SCNN1B: variants seen among roughly 807,000 people sequenced by gnomAD.
SCNN1B encodes the protein epithelial sodium channel subunit beta.
A neutral mutation model predicts 65.3 loss-of-function variants in SCNN1B; 46 were observed. The observed-to-expected ratio is 0.70, with a 90% CI of 0.56 to 0.90. The LOEUF (loss-of-function observed/expected upper bound fraction) is 0.90. Among genes scored for constraint, SCNN1B ranks in the 40% least tolerant of loss-of-function variants. The pLI is 0.00. For missense variants in SCNN1B, 751 were observed against 830.5 expected, an observed-to-expected ratio of 0.90 and a Z score of 1.18; for synonymous variants, 349 against 330.6, an observed-to-expected ratio of 1.06 and a Z score of -0.60.
At position 23,371,833 on chromosome 16, in the gene SCNN1B, G is replaced by A; in HGVS notation, c.1102G>A (p.Val368Ile). Residue 368 changes from valine (V) to isoleucine (I), a missense_variant, in exon 7 of 13, where the codon GTC becomes ATC. Val to Ile is a conservative substitution (Grantham distance 29). Coordinates refer to ENST00000343070, the MANE Select transcript of SCNN1B (RefSeq NM_000336.3). The stretch of plus-strand genomic sequence containing the variant: ...CCCGTGCACCGTGAATGGTTCTGAG[G>A]TCCCCGTCCAAAACTTCTACAGTGA... ...YSPCTVNGSE[V>I]PVQNFYSDYN... 5 of 1,614,252 alleles carry A rather than the reference G, an allele frequency of 3.1e-6. No individual in the cohort carries two copies. The highest frequency in any genetic ancestry group is 4.2e-6 in the Non-Finnish European group (5 of 1,180,034).
chr16:23,329,127 T>C (rs1961756990), intron 1 of SCNN1B, among the ~76,000 whole-genome samples: 1 of 149,582 alleles, frequency 6.7e-6, no homozygotes, highest in African/African-American at 2.5e-5. Flanking sequence ...ATTATTATTA[T>C]TAGAGACAGG....
intron 4 of SCNN1B, among the ~76,000 whole-genome samples, chr16:23,356,202 G>A (rs1027956152): frequency 6.6e-6 from 1 of 152,204 alleles, no homozygotes; most frequent in Non-Finnish European, 1.5e-5. Context: ...AGCCCGATGA[G>A]GGGATCAGGG....
rs555786686 is a variant in SCNN1B, at chr16:23,377,876, T to A, written c.1404+490T>A. Among the ~76,000 whole-genome samples, 4 of 152,164 alleles carry A rather than the reference T, an allele frequency of 2.6e-5. No homozygotes were observed. In the South Asian group the frequency reaches 8.3e-4, roughly 32 times the overall value. ...ACAGCACAGAATTAGACAGACATAA[T>A]CCTTTTAATAGGAGAGGGCCAAGAT... On this transcript the variant is annotated intron_variant, in intron 10 of 12. Transcript: ENST00000343070.
At chr16:23,293,476 G>T (rs1960955266) in intron 2 of SCNN1B, among the ~76,000 whole-genome samples, 1 of 152,272 alleles carries the variant, frequency 6.6e-6, no homozygotes, top group Non-Finnish European at 1.5e-5. Context: ...CAAAATCATA[G>T]AGACAGGAAG....
At chr16:23,365,620 A>AGAGAAAGAAAGAAAGAAAGAAAG (rs11399911) in intron 4 of SCNN1B, among the ~76,000 whole-genome samples, 1 of 80,418 alleles carries the variant, frequency 1.2e-5, no homozygotes, top group African/African-American at 4.2e-5. Context: ...AAAGAAAGAA[A>AGAGAAAGAAAGAAAGAAAGAAAG]AAAGAAAGAA....
rs180776235 is a variant in SCNN1B at position 23,355,700 on chromosome 16, T to C, written c.776+211T>C. On this transcript the variant is annotated intron_variant, in intron 4 of 12. Coordinates refer to ENST00000343070, the MANE Select transcript of SCNN1B (RefSeq NM_000336.3). ...GATGTATTGAAGAGCTCGCGAAGCA[T>C]TGAGAGAACTGTGTTAGGAAAAGTC... Among the ~76,000 whole-genome samples the C allele has an allele frequency of 1.4e-4, 21 of 152,202 alleles. No homozygotes were observed. In the East Asian group the frequency reaches 3.5e-3, roughly 25 times the overall value.
intron 1 of SCNN1B, among the ~76,000 whole-genome samples, chr16:23,314,215 A>T (rs1220660846): frequency 2.0e-5 from 3 of 151,990 alleles, no homozygotes; most frequent in Non-Finnish European, 4.4e-5. Flanking sequence ...TTTGGTAGAG[A>T]CAGGGTTTGG....
intron 1 of SCNN1B, among the ~76,000 whole-genome samples, chr16:23,311,669 T>G (rs1961346350): frequency 6.6e-6 from 1 of 152,054 alleles, no homozygotes; most frequent in South Asian, 2.1e-4. Context: ...CTTTGGCAGG[T>G]TGGGTTAGGG....
At chr16:23,333,414 C>T (rs1399166471) in intron 1 of SCNN1B, among the ~76,000 whole-genome samples, 3 of 152,172 alleles carry the variant, frequency 2.0e-5, no homozygotes, top group African/African-American at 7.2e-5. Context: ...AGTCTAGAGA[C>T]CTCTTCTCTG....
At chr16:23,316,407 CCACCAT>C (rs1490573973) in intron 1 of SCNN1B, among the ~76,000 whole-genome samples, 30 of 136,200 alleles carry the variant, frequency 2.2e-4, no homozygotes, top group African/African-American at 5.1e-4. Context: ...ATCATCATCA[CCACCAT>C]CACCATCACC....
intron 1 of SCNN1B, among the ~76,000 whole-genome samples, chr16:23,334,957 A>G (rs1017254453): frequency 9.9e-5 from 15 of 152,240 alleles, no homozygotes; most frequent in Non-Finnish European, 2.1e-4. Context: ...TTGCAAATCT[A>G]ATCACTGCTA....
intron 1 of SCNN1B, among the ~76,000 whole-genome samples, chr16:23,333,618 T>G (rs1961874923): frequency 6.6e-6 from 1 of 152,214 alleles, no homozygotes. Context: ...CTTATCTTAT[T>G]GAATCCTGAC....
At chr16:23,322,337 A>G (rs991512034) in intron 1 of SCNN1B, among the ~76,000 whole-genome samples, 1 of 152,050 alleles carries the variant, frequency 6.6e-6, no homozygotes, top group Non-Finnish European at 1.5e-5. Flanking sequence ...GTCTCACTCT[A>G]TCACCTAGGC....
At position 23,311,204 on chromosome 16, in the gene SCNN1B, A is replaced by G. The variant is rs367951097; in HGVS notation, c.-9+8767A>G. Among the ~76,000 whole-genome samples, 3 of 152,372 alleles carry G rather than the reference A, an allele frequency of 2.0e-5. No homozygotes were observed. The East Asian group carries it at 5.8e-4, about 29-fold the overall frequency. Reference sequence around the variant, plus strand: ...ATATTCGGCACTGTGAGAACAAGCAATTGGAACTGGGAGCCACTGGTGGCC... The same window carrying G: ...ATATTCGGCACTGTGAGAACAAGCAGTTGGAACTGGGAGCCACTGGTGGCC... On this transcript the variant is annotated intron_variant, in intron 1 of 12. Transcript: ENST00000343070.
chr16:23,343,509 AAAGGAAGGAAGG>A (rs1555487038), intron 1 of SCNN1B, among the ~76,000 whole-genome samples: 1 of 76,476 alleles, frequency 1.3e-5, no homozygotes, highest in Non-Finnish European at 2.8e-5. Flanking sequence ...GAAGGAAGGA[AAAGGAAGGAAGG>A]AAGGAAGAAA....
intron 1 of SCNN1B, among the ~76,000 whole-genome samples, chr16:23,305,379 A>G (rs1373413569): frequency 2.0e-5 from 3 of 151,052 alleles, no homozygotes; most frequent in Admixed American, 6.6e-5. Context: ...ATGGCCAGGC[A>G]TGGTGGTTCA....
At chr16:23,372,777 C>T (rs1276167725) in intron 7 of SCNN1B, among the ~76,000 whole-genome samples, 1 of 150,328 alleles carries the variant, frequency 6.7e-6, no homozygotes, top group African/African-American at 2.4e-5. Context: ...CAGGCATGAG[C>T]CACCGCACCC....
At chr16:23,347,095 TCAAA>T (rs935316991) in intron 1 of SCNN1B, among the ~76,000 whole-genome samples, 3 of 152,102 alleles carry the variant, frequency 2.0e-5, no homozygotes, top group African/African-American at 7.2e-5. Flanking sequence ...AGACCCTGTC[TCAAA>T]CAAACAAACA....
intron 1 of SCNN1B, among the ~76,000 whole-genome samples, chr16:23,344,273 T>C (rs1282011895): frequency 4.6e-5 from 7 of 152,218 alleles, no homozygotes; most frequent in East Asian, 1.9e-4. Context: ...GAGGCCTCAT[T>C]GTTAAACCCG....
Sources: allele counts gnomAD v4.1 joint callset (sites outside exome capture counted in the v4.1 genomes callset), GRCh38; gene constraint gnomAD v4.1.1; transcripts MANE v1.5; gene names NCBI Gene and HGNC (gene_info 2026-07-23, HGNC 2026-07-21).